CKAP5: variants seen among roughly 807,000 people sequenced by gnomAD.
The protein encoded by CKAP5 is cytoskeleton-associated protein 5.
In CKAP5, 27 loss-of-function variants were observed where a neutral mutation model predicts 232.8. That is an observed-to-expected ratio of 0.12 (90% CI 0.09 to 0.16). CKAP5 has a LOEUF of 0.16. CKAP5 is among the 10% of genes least tolerant of loss of function. The pLI is 1.00. For synonymous variants in CKAP5, 785 were observed against 841.1 expected, an observed-to-expected ratio of 0.93 and a Z score of 1.16; for missense variants, 1,838 against 2,424.7, an observed-to-expected ratio of 0.76 and a Z score of 5.08.
At chr11:46,835,508 C>T (rs12287376) in intron 1 of CKAP5, among the ~76,000 whole-genome samples, 22,479 of 151,782 alleles carry the variant, frequency 0.15, 2,525 homozygotes, top group African/African-American at 0.32. Flanking sequence ...AAGATGGGGG[C>T]ATGTCAAAGG....
intron 7 of CKAP5, 80 bp from the exon 8 acceptor site, chr11:46,808,224 C>T: frequency 6.5e-6 from 6 of 919,128 alleles, no homozygotes; most frequent in Non-Finnish European, 1.0e-5. Context: ...TCTGCTAATT[C>T]AAAGATACAT....
Position 46,826,257 on chromosome 11 carries a change from A to T in CKAP5, c.-37-4989T>A, listed in dbSNP as rs189862554. Among the ~76,000 whole-genome samples the T allele has an allele frequency of 2.2e-3, 342 of 152,296 alleles. 1 individual carries two copies. Among genetic ancestry groups the T allele is most frequent in the Non-Finnish European group, 3.3e-3 (225 of 68,016 alleles). Reference sequence around the variant, plus strand: ...AGAGATGTTCACTGTCAACATATCCAAAAGGGGTACGGGATACCACCAACA... The same window carrying T: ...AGAGATGTTCACTGTCAACATATCCTAAAGGGGTACGGGATACCACCAACA... On this transcript the variant is annotated intron_variant, in intron 1 of 43. Transcript: ENST00000529230.
At chr11:46,833,723 C>T (rs891481080) in intron 1 of CKAP5, among the ~76,000 whole-genome samples, 7 of 151,578 alleles carry the variant, frequency 4.6e-5, no homozygotes, top group East Asian at 2.0e-4. Flanking sequence ...GTGATCCGCC[C>T]GCCTCGTCCT....
At chr11:46,801,368 T>C (rs185894821) in intron 8 of CKAP5, 64 bp from the exon 9 acceptor site, 1 of 1,310,432 alleles carries the variant, frequency 7.6e-7, no homozygotes, top group East Asian at 2.4e-5. Flanking sequence ...ATTGAAATTT[T>C]ATTCTCAAAA....
chr11:46,843,525 G>A (rs889073124), intron 1 of CKAP5, among the ~76,000 whole-genome samples: 1 of 152,030 alleles, frequency 6.6e-6, no homozygotes, highest in South Asian at 2.1e-4. Context: ...GAGCCCAGGA[G>A]TTCGAGACCA....
At chr11:46,839,260 T>G (rs1223381805) in intron 1 of CKAP5, among the ~76,000 whole-genome samples, 1 of 151,710 alleles carries the variant, frequency 6.6e-6, no homozygotes, top group Non-Finnish European at 1.5e-5. Flanking sequence ...AGGCTGGGGG[T>G]AGGGGTAGAG....
At chr11:46,782,767 A>G (rs776270727) in intron 18 of CKAP5, among the ~76,000 whole-genome samples, 3 of 152,268 alleles carry the variant, frequency 2.0e-5, no homozygotes, top group Non-Finnish European at 1.5e-5. Flanking sequence ...TGATTAAATC[A>G]AATGAATTAT....
rs1328265051 is a variant in CKAP5, at chr11:46,752,187, TATATATACAC to T, written c.5133+438_5133+447del. Among the ~76,000 whole-genome samples, 368 of 67,844 alleles carry T rather than the reference TATATATACAC, an allele frequency of 5.4e-3. 3 individuals are homozygous for T. Among genetic ancestry groups the T allele is most frequent in the African/African-American group, 0.016 (351 of 22,140 alleles). 44.5% of individuals were successfully genotyped at this position (67,844 alleles called of 152,430 possible). Reference sequence around the variant, plus strand: ...ATATATATATATATATATATATATATATATATACACACACACACACACACACACACACACA... The same window carrying T: ...ATATATATATATATATATATATATATACACACACACACACACACACACACA... On this transcript the variant is annotated intron_variant, in intron 38 of 43. Coordinates refer to ENST00000529230, the MANE Select transcript of CKAP5 (RefSeq NM_001008938.4).
intron 33 of CKAP5, chr11:46,760,249 T>C: frequency 2.9e-6 from 1 of 350,496 alleles, no homozygotes; most frequent in South Asian, 2.4e-5. Flanking sequence ...TCTACCCTGA[T>C]TATAAACTCT....
chr11:46,752,573 C>A, intron 38 of CKAP5, 62 bp downstream of exon 38: 1 of 1,300,800 alleles, frequency 7.7e-7, no homozygotes, highest in South Asian at 1.2e-5. Context: ...CCTCTTTCCC[C>A]ATACTTTTAA....
intron 36 of CKAP5, among the ~76,000 whole-genome samples, chr11:46,754,378 C>G (rs2065094843): frequency 6.6e-6 from 1 of 152,194 alleles, no homozygotes; most frequent in African/African-American, 2.4e-5. Context: ...ATTAAGTCCA[C>G]CCTTTTAGCC....
At chr11:46,836,121 T>C (rs993109594) in intron 1 of CKAP5, among the ~76,000 whole-genome samples, 11 of 152,164 alleles carry the variant, frequency 7.2e-5, no homozygotes, top group African/African-American at 1.4e-4. Context: ...AGAAGGCTAA[T>C]AGAGATGACC....
At chr11:46,843,493 G>A (rs537869774) in intron 1 of CKAP5, among the ~76,000 whole-genome samples, 1 of 152,162 alleles carries the variant, frequency 6.6e-6, no homozygotes, top group Non-Finnish European at 1.5e-5. Flanking sequence ...CATTTTGGGA[G>A]GCCGAGACAA....
intron 1 of CKAP5, among the ~76,000 whole-genome samples, chr11:46,843,830 A>T (rs1236876988): frequency 6.6e-6 from 1 of 152,062 alleles, no homozygotes; most frequent in Admixed American, 6.6e-5. Context: ...GTGTTTTATT[A>T]GGAATGGATA....
chr11:46,745,423 C>CT (rs2065015116), intron 42 of CKAP5, among the ~76,000 whole-genome samples: 1 of 152,262 alleles, frequency 6.6e-6, no homozygotes, highest in Admixed American at 6.5e-5. Context: ...TCTGAATACT[C>CT]TAAGGCACAA....
intron 1 of CKAP5, among the ~76,000 whole-genome samples, chr11:46,843,091 C>T (rs1359948209): frequency 1.3e-5 from 2 of 151,888 alleles, no homozygotes; most frequent in Non-Finnish European, 2.9e-5. Flanking sequence ...CAAGACTAGC[C>T]TGGGAGCCAA....
intron 8 of CKAP5, among the ~76,000 whole-genome samples, chr11:46,803,052 C>T (rs924267334): frequency 6.6e-6 from 1 of 151,840 alleles, no homozygotes; most frequent in South Asian, 2.1e-4. Context: ...TCGCTTGAGC[C>T]CAGGAGTTCA....
intron 24 of CKAP5, among the ~76,000 whole-genome samples, chr11:46,775,064 G>A (rs921473575): frequency 6.6e-6 from 1 of 152,088 alleles, no homozygotes; most frequent in Non-Finnish European, 1.5e-5. Context: ...TACAGAATGG[G>A]AGAAAATTTT....
At chr11:46,773,767 C>T (rs2065269198) in intron 24 of CKAP5, among the ~76,000 whole-genome samples, 1 of 151,242 alleles carries the variant, frequency 6.6e-6, no homozygotes, top group Non-Finnish European at 1.5e-5. Context: ...TGGTCTCCAA[C>T]CCCTGATCTC....
Sources: gnomAD v4.1 joint callset for allele counts (sites outside exome capture counted in the v4.1 genomes callset) on GRCh38, gnomAD v4.1.1 for gene constraint, MANE v1.5 for transcripts, NCBI Gene and HGNC (gene_info 2026-07-23, HGNC 2026-07-21) for gene names.